RAMP3: variants seen among roughly 807,000 people sequenced by gnomAD.
RAMP3 encodes receptor activity-modifying protein 3.
A neutral mutation model predicts 13.5 loss-of-function variants in RAMP3; 14 were observed. That is an observed-to-expected ratio of 1.04 (90% CI 0.69 to 1.63). RAMP3 has a LOEUF of 1.63. RAMP3 is among the 40% of genes most tolerant of loss of function. RAMP3 has a pLI of 0.00. For missense variants in RAMP3, 200 were observed against 204.8 expected (o/e 0.98, Z 0.14); for synonymous variants, 106 against 88.3 (o/e 1.20, Z -1.12).
At chr7:45,183,090 C>A (rs1786350295) in intron 2 of RAMP3, 67 bp from the exon 3 acceptor site, 8 of 1,584,276 alleles carry the variant, frequency 5.0e-6, no homozygotes, top group African/African-American at 1.3e-5. Flanking sequence ...ATCTTCCTGG[C>A]CTCAGGTCAG....
At chr7:45,175,586 G>A (rs550023472) in intron 1 of RAMP3, among the ~76,000 whole-genome samples, 1 of 152,186 alleles carries the variant, frequency 6.6e-6, no homozygotes, top group African/African-American at 2.4e-5. Flanking sequence ...AAGGGAAGAA[G>A]GTGCCTTGAG....
At chr7:45,175,546 G>A (rs1432663499) in intron 1 of RAMP3, among the ~76,000 whole-genome samples, 2 of 152,214 alleles carry the variant, frequency 1.3e-5, no homozygotes, top group African/African-American at 4.8e-5. Context: ...TGTCAGCCTG[G>A]ATTCTGAGGT....
At chr7:45,167,634 G>T (rs1365323974) in intron 1 of RAMP3, among the ~76,000 whole-genome samples, 1 of 151,372 alleles carries the variant, frequency 6.6e-6, no homozygotes, top group Non-Finnish European at 1.5e-5. Flanking sequence ...CGCGATCTCG[G>T]CTCACCGCAA....
At chr7:45,170,321 C>G (rs1786055631) in intron 1 of RAMP3, among the ~76,000 whole-genome samples, 1 of 133,396 alleles carries the variant, frequency 7.5e-6, no homozygotes, top group Admixed American at 8.1e-5. Flanking sequence ...TGAGATCTTT[C>G]TTCTTTATTA....
intron 1 of RAMP3, among the ~76,000 whole-genome samples, chr7:45,164,125 C>T (rs1785915436): frequency 6.6e-6 from 1 of 152,232 alleles, no homozygotes; most frequent in African/African-American, 2.4e-5. Context: ...CACCCTTCCA[C>T]ACACAGTATA....
intron 1 of RAMP3, among the ~76,000 whole-genome samples, chr7:45,172,815 C>T (rs1250125234): frequency 6.6e-6 from 1 of 152,172 alleles, no homozygotes; most frequent in African/African-American, 2.4e-5. Context: ...GGTTTATTTG[C>T]TCCTGCGGGG....
At chr7:45,160,571 G>A (rs1052278133) in intron 1 of RAMP3, among the ~76,000 whole-genome samples, 1 of 151,936 alleles carries the variant, frequency 6.6e-6, no homozygotes, top group Admixed American at 6.6e-5. Context: ...TCGACTGACC[G>A]TGGCCCATGG....
At chr7:45,157,987 C>T in intron 1 of RAMP3, 101 bp downstream of exon 1, 1 of 1,160,422 alleles carries the variant, frequency 8.6e-7, no homozygotes, top group Non-Finnish European at 1.1e-6. Context: ...CGGTCCTTCC[C>T]TTGCCCCGGA....
chr7:45,173,368 G>C (rs770630575), intron 1 of RAMP3, among the ~76,000 whole-genome samples: 3 of 152,208 alleles, frequency 2.0e-5, no homozygotes, highest in Admixed American at 2.0e-4. Flanking sequence ...AGCTGCAAGC[G>C]GTGTCCATCA....
intron 1 of RAMP3, among the ~76,000 whole-genome samples, chr7:45,176,294 A>T (rs1481904385): frequency 6.6e-6 from 1 of 152,112 alleles, no homozygotes; most frequent in African/African-American, 2.4e-5. Flanking sequence ...GCCCAGCACC[A>T]GCCGCCGGAA....
At chr7:45,175,667 C>G (rs1786167920) in intron 1 of RAMP3, among the ~76,000 whole-genome samples, 2 of 152,204 alleles carry the variant, frequency 1.3e-5, no homozygotes, top group Non-Finnish European at 1.5e-5. Context: ...CCAGCTAACA[C>G]CTGTCCTCTG....
chr7:45,160,600 G>A (rs1193773904), intron 1 of RAMP3, among the ~76,000 whole-genome samples: 2 of 151,910 alleles, frequency 1.3e-5, no homozygotes, highest in Admixed American at 6.6e-5. Flanking sequence ...TGCCAGTCTC[G>A]TCGATGCTCT....
In RAMP3 at chr7:45,177,383, G is replaced by A. The variant is rs779558976; in HGVS notation, c.133G>A (p.Ala45Thr). ...GCTGCCCCTGTGTGGGAAGGCTTTCGCAGACATGATGGGCAAGGTGGACGT... is the reference window on the plus strand; with the variant it reads ...GCTGCCCCTGTGTGGGAAGGCTTTCACAGACATGATGGGCAAGGTGGACGT... Reference protein sequence around the residue: ...ERLPLCGKAFADMMGKVDVWK... With the variant: ...ERLPLCGKAFTDMMGKVDVWK... The change falls in exon 2 of 3, where the codon GCA (alanine) becomes ACA (threonine). Residue 45 changes from alanine to threonine, a missense_variant. Physicochemically the swap from Ala to Thr is moderately conservative, Grantham distance 58. Transcript: ENST00000242249. 5.6e-6 allele frequency: 9 copies of A among 1,614,114 alleles called. No individual in the cohort carries two copies. Among genetic ancestry groups the A allele is most frequent in the Admixed American group, 3.3e-5 (2 of 60,026 alleles).
In RAMP3 at chr7:45,177,811, T is replaced by C. The variant is rs113519143; in HGVS notation, c.191+370T>C. 1.2e-4 allele frequency among the ~76,000 whole-genome samples: 19 copies of C among 152,336 alleles called. 1 individual carries two copies. The highest frequency in any genetic ancestry group is 4.3e-4 in the African/African-American group (18 of 41,588). On this transcript the variant is annotated intron_variant, in intron 2 of 2. Transcript: ENST00000242249. ...CTCTGATGTTCTAGCAATTCTACAC[T>C]GTGCCTCTGCTTCTCCCTCTCCTCT... is the stretch of plus-strand genomic sequence containing the variant.
intron 1 of RAMP3, among the ~76,000 whole-genome samples, chr7:45,174,749 T>C (rs1230584014): frequency 1.3e-5 from 2 of 152,172 alleles, no homozygotes; most frequent in Admixed American, 1.3e-4. Flanking sequence ...ATCTATTATA[T>C]GCTCTATCTT....
intron 1 of RAMP3, among the ~76,000 whole-genome samples, chr7:45,161,419 T>A (rs1351400488): frequency 1.3e-5 from 2 of 152,084 alleles, no homozygotes; most frequent in African/African-American, 4.8e-5. Context: ...ATCAGGACCT[T>A]GTCCCTGAGC....
chr7:45,166,674 T>G (rs1785968425), intron 1 of RAMP3, among the ~76,000 whole-genome samples: 1 of 152,198 alleles, frequency 6.6e-6, no homozygotes. Context: ...CGTGTCTAAT[T>G]TATCTATTTT....
At chr7:45,178,840 C>T (rs548348383) in intron 2 of RAMP3, among the ~76,000 whole-genome samples, 2 of 152,158 alleles carry the variant, frequency 1.3e-5, no homozygotes, top group South Asian at 2.1e-4. Context: ...GGAGGCAACC[C>T]GATGGGCATT....
intron 1 of RAMP3, among the ~76,000 whole-genome samples, chr7:45,161,781 G>A (rs1251260294): frequency 1.3e-5 from 2 of 152,072 alleles, no homozygotes; most frequent in Non-Finnish European, 2.9e-5. Flanking sequence ...AGGCCAAGTG[G>A]TCCAGGTCTA....
Sources: gnomAD v4.1 joint callset for allele counts (sites outside exome capture counted in the v4.1 genomes callset) on GRCh38, gnomAD v4.1.1 for gene constraint, MANE v1.5 for transcripts, NCBI Gene and HGNC (gene_info 2026-07-23, HGNC 2026-07-21) for gene names.